Variants in RAP1A observed in about 807,000 individuals in gnomAD.
RAP1A encodes ras-related protein Rap-1A.
In RAP1A, 6 loss-of-function variants were observed where a neutral mutation model predicts 26.4. That is an observed-to-expected ratio of 0.23 (90% CI 0.12 to 0.45). The LOEUF (loss-of-function observed/expected upper bound fraction) is 0.45. Among genes scored for constraint, RAP1A ranks in the 20% least tolerant of loss-of-function variants. RAP1A has a pLI of 0.99. For missense variants in RAP1A, 121 were observed against 217.2 expected (o/e 0.56, Z 2.78); for synonymous variants, 73 against 79.4 (o/e 0.92, Z 0.43).
chr1:111,634,470 C>T (rs1185595872), intron 1 of RAP1A, among the ~76,000 whole-genome samples: 1 of 150,680 alleles, frequency 6.6e-6, no homozygotes, highest in East Asian at 1.9e-4. Context: ...TAAAAGGAAA[C>T]ACCAAAAGAC....
chr1:111,695,787 T>C (rs367551934), intron 3 of RAP1A, among the ~76,000 whole-genome samples: 8 of 152,362 alleles, frequency 5.3e-5, no homozygotes, highest in African/African-American at 1.9e-4. Flanking sequence ...TTTAGTTTTA[T>C]AAGTTTAAAG....
chr1:111,599,483 G>A (rs1440136443), intron 1 of RAP1A, among the ~76,000 whole-genome samples: 1 of 152,206 alleles, frequency 6.6e-6, no homozygotes, highest in Non-Finnish European at 1.5e-5. Context: ...AGGATTACAG[G>A]CGTGAGCCAC....
At chr1:111,631,938 C>T (rs532788364) in intron 1 of RAP1A, among the ~76,000 whole-genome samples, 2 of 151,054 alleles carry the variant, frequency 1.3e-5, no homozygotes, top group East Asian at 1.9e-4. Flanking sequence ...CCATAGTGTT[C>T]ATTATCAATA....
chr1:111,653,683 CAAAAAAAA>C (rs71099925), intron 1 of RAP1A, among the ~76,000 whole-genome samples: 14,451 of 65,680 alleles, frequency 0.22, 860 homozygotes, highest in South Asian at 0.31. Flanking sequence ...AACTCTGTCT[CAAAAAAAA>C]AAAAAAAAAA....
At position 111,550,915 on chromosome 1, in the gene RAP1A, G is replaced by GATGTGTACATGTTTATCATTGTTAT. The variant is rs564626907; in HGVS notation, c.-28+8409_-28+8433dup. On this transcript the variant is annotated intron_variant, in intron 1 of 7. Transcript: ENST00000356415. Reference sequence around the variant, plus strand: ...ACCTGGAGAATGTCCCATATTGTTAGATGTGTACATGTTTATCATTGTTAT... The same window carrying GATGTGTACATGTTTATCATTGTTAT: ...ACCTGGAGAATGTCCCATATTGTTAGATGTGTACATGTTTATCATTGTTATATGTGTACATGTTTATCATTGTTAT... 9.3e-3 allele frequency among the ~76,000 whole-genome samples: 1,423 copies of GATGTGTACATGTTTATCATTGTTAT among 152,324 alleles called. 14 individuals carry two copies. The highest frequency in any genetic ancestry group is 0.014 in the Non-Finnish European group (927 of 68,016).
Position 111,695,293 on chromosome 1 carries a change from A to T in RAP1A, c.58-48A>T, listed in dbSNP as rs7525307. ...AATTTGTAGGTTAAGTAACATTCAA[A>T]GGAGTTTTCCTTTAATTTTTTAATA... is the stretch of plus-strand genomic sequence containing the variant. On this transcript the variant is annotated intron_variant, in intron 2 of 7. Coordinates refer to ENST00000369709, the MANE Select transcript of RAP1A (RefSeq NM_002884.4). The T allele has an allele frequency of 0.35, 479,951 of 1,378,354 alleles. 85,428 individuals are homozygous for T. Among genetic ancestry groups the T allele is most frequent in the East Asian group, 0.45 (17,602 of 39,052 alleles). The allele number at this position is 1,378,354 out of a possible 1,614,324, so 85.4% of individuals were successfully genotyped here.
chr1:111,565,213 G>T (rs4839145), intron 1 of RAP1A, among the ~76,000 whole-genome samples: 7 of 152,032 alleles, frequency 4.6e-5, no homozygotes, highest in South Asian at 2.1e-4. Context: ...ATGAACAAAG[G>T]GGGGGAGTGT....
chr1:111,623,950 C>T (rs1659307315), intron 1 of RAP1A, among the ~76,000 whole-genome samples: 1 of 152,164 alleles, frequency 6.6e-6, no homozygotes, highest in Non-Finnish European at 1.5e-5. Flanking sequence ...CGTAAATGTT[C>T]ATTGAACCTC....
At chr1:111,552,548 A>C (rs985207483) in intron 1 of RAP1A, among the ~76,000 whole-genome samples, 4 of 152,182 alleles carry the variant, frequency 2.6e-5, no homozygotes, top group African/African-American at 7.2e-5. Flanking sequence ...CAGAGACCAT[A>C]ATTCACCATT....
At chr1:111,665,085 TA>T (rs1463757490) in intron 1 of RAP1A, among the ~76,000 whole-genome samples, 1 of 152,156 alleles carries the variant, frequency 6.6e-6, no homozygotes, top group African/African-American at 2.4e-5. Context: ...TTTGATTACC[TA>T]AAAAATAAAA....
At position 111,687,208 on chromosome 1, in the gene RAP1A, A is replaced by ATT. The variant is rs35277322; in HGVS notation, c.-27-4110_-27-4109dup. On this transcript the variant is annotated intron_variant, in intron 1 of 7. Coordinates refer to ENST00000369709, the MANE Select transcript of RAP1A (RefSeq NM_002884.4). ...CATACTTTCTTTTTGATTGAGTTGA[A>ATT]TTTTTTTTTTTTTTTTTGACATGGA... Among the ~76,000 whole-genome samples, 808 of 131,286 alleles carry ATT rather than the reference A, an allele frequency of 6.2e-3. 10 individuals carry two copies. The highest frequency in any genetic ancestry group is 0.021 in the African/African-American group (739 of 35,134). The allele number at this position is 131,286 out of a possible 152,430, so 86.1% of individuals were successfully genotyped here.
chr1:111,646,477 A>T (rs1660071697), intron 1 of RAP1A, among the ~76,000 whole-genome samples: 1 of 151,694 alleles, frequency 6.6e-6, no homozygotes, highest in South Asian at 2.1e-4. Flanking sequence ...AAATTTGAGC[A>T]ATTGCAGACT....
intron 1 of RAP1A, among the ~76,000 whole-genome samples, chr1:111,655,658 CTTT>C (rs34266778): frequency 5.9e-5 from 5 of 85,160 alleles, no homozygotes; most frequent in South Asian, 4.7e-4. Context: ...TGTTCATAGT[CTTT>C]TTTTTTTTTT....
chr1:111,574,401 G>T (rs1486118743), intron 1 of RAP1A, among the ~76,000 whole-genome samples: 1 of 152,184 alleles, frequency 6.6e-6, no homozygotes, highest in Non-Finnish European at 1.5e-5. Context: ...GATGCCTCCA[G>T]CTTCATCCTT....
intron 1 of RAP1A, chr1:111,627,658 C>A (rs1489680474): frequency 6.6e-6 from 1 of 151,704 alleles, no homozygotes; most frequent in Non-Finnish European, 1.5e-5. Flanking sequence ...ATCTGTAAAA[C>A]CATCATAGTG....
At chr1:111,666,378 CAT>C (rs763663168) in intron 1 of RAP1A, among the ~76,000 whole-genome samples, 2 of 152,122 alleles carry the variant, frequency 1.3e-5, no homozygotes, top group Admixed American at 6.5e-5. Context: ...AGCCATGCAA[CAT>C]GTGCATATAT....
At chr1:111,702,364 A>G (rs1478947187) in intron 4 of RAP1A, among the ~76,000 whole-genome samples, 1 of 152,196 alleles carries the variant, frequency 6.6e-6, no homozygotes, top group Non-Finnish European at 1.5e-5. Context: ...ATTAACCTCC[A>G]TAGTTACAAC....
intron 1 of RAP1A, among the ~76,000 whole-genome samples, chr1:111,614,614 T>C (rs1658982806): frequency 6.6e-6 from 1 of 152,214 alleles, no homozygotes. Context: ...AAAAGAAATG[T>C]ACCTAGTCTG....
At chr1:111,660,192 GT>G (rs1213058198) in intron 1 of RAP1A, among the ~76,000 whole-genome samples, 1 of 152,158 alleles carries the variant, frequency 6.6e-6, no homozygotes, top group African/African-American at 2.4e-5. Flanking sequence ...TTGTAACTTG[GT>G]GGTTTTTTCT....
Sources: gnomAD v4.1 joint callset for allele counts (sites outside exome capture counted in the v4.1 genomes callset) on GRCh38, gnomAD v4.1.1 for gene constraint, MANE v1.5 for transcripts, NCBI Gene and HGNC (gene_info 2026-07-23, HGNC 2026-07-21) for gene names.